CSMD1: variants seen among roughly 807,000 people sequenced by gnomAD.
The protein encoded by CSMD1 is CUB and Sushi multiple domains 1, also known as CUB and sushi domain-containing protein 1.
CSMD1 carries 213 observed loss-of-function variants against 417.5 expected under a neutral mutation model. The observed-to-expected ratio is 0.51, with a 90% CI of 0.46 to 0.57. CSMD1 has a LOEUF of 0.57. CSMD1 is among the 20% of genes least tolerant of loss of function. The pLI is 0.00. For missense variants in CSMD1, 6,923 were observed against 4,529.7 expected (o/e 1.53, Z -15.17); for synonymous variants, 2,862 against 1,736.8 (o/e 1.65, Z -16.11).
intron 18 of CSMD1, among the ~76,000 whole-genome samples, chr8:3,372,188 G>A (rs900973209): frequency 6.6e-6 from 1 of 152,130 alleles, no homozygotes; most frequent in African/African-American, 2.4e-5. Flanking sequence ...CTATAAATAA[G>A]GACTTGAGAG....
chr8:3,308,168 G>T, intron 24 of CSMD1, 144 bp downstream of exon 24: 1 of 662,578 alleles, frequency 1.5e-6, no homozygotes, highest in East Asian at 2.8e-5. Context: ...TCACAGACAC[G>T]TGCAAATCTC....
At chr8:3,727,389 G>C (rs893156425) in intron 6 of CSMD1, among the ~76,000 whole-genome samples, 1 of 152,090 alleles carries the variant, frequency 6.6e-6, no homozygotes. Context: ...GCCCCGCCCA[G>C]GTACCAAGTG....
At position 4,368,681 on chromosome 8, in the gene CSMD1, T is replaced by G. The variant is rs564820746; in HGVS notation, c.415+51272A>C. Among the ~76,000 whole-genome samples the G allele has an allele frequency of 2.6e-5, 4 of 152,278 alleles. No individual in the cohort carries two copies. In the East Asian group the frequency reaches 7.7e-4, roughly 29 times the overall value. On this transcript the variant is annotated intron_variant, in intron 3 of 69. Transcript: ENST00000635120. ...TCTGTTCAGGATTTTAATTTCTTCC[T>G]GGCTTAATATGAGATGTTGTGTATT...
At chr8:3,450,947 C>G (rs1815669427) in intron 12 of CSMD1, among the ~76,000 whole-genome samples, 1 of 152,066 alleles carries the variant, frequency 6.6e-6, no homozygotes, top group African/African-American at 2.4e-5. Context: ...TAAAAGTGTT[C>G]CTATTTCACC....
Position 3,235,145 on chromosome 8 carries a change from G to C in CSMD1, c.4154-4914C>G, listed in dbSNP as rs1449099318. 3.3e-5 allele frequency among the ~76,000 whole-genome samples: 5 copies of C among 152,262 alleles called. 1 individual carries two copies. The highest frequency in any genetic ancestry group is 6.8e-3 in the Middle Eastern group (2 of 294). On this transcript the variant is annotated intron_variant, in intron 26 of 69. Coordinates refer to ENST00000635120, the MANE Select transcript of CSMD1 (RefSeq NM_033225.6). ...TTAAAATAATTGTCATACAGTGATAGTCACTGTAAATATCGCAACATTTAT... is the reference window on the plus strand; with the variant it reads ...TTAAAATAATTGTCATACAGTGATACTCACTGTAAATATCGCAACATTTAT...
At chr8:4,571,259 G>T (rs1044836895) in intron 2 of CSMD1, among the ~76,000 whole-genome samples, 2 of 152,146 alleles carry the variant, frequency 1.3e-5, no homozygotes, top group Non-Finnish European at 2.9e-5. Flanking sequence ...GATCTTTCCT[G>T]CTTTCTCATG....
chr8:4,310,594 CGAT>C (rs1475131946), intron 3 of CSMD1, among the ~76,000 whole-genome samples: 8 of 152,064 alleles, frequency 5.3e-5, no homozygotes, highest in African/African-American at 1.9e-4. Context: ...TCATAGCTCT[CGAT>C]GATGTTAAAT....
rs201505301 is a variant in CSMD1 at position 2,963,410 on chromosome 8, C to A, written c.9281-15G>T. 1.9e-6 allele frequency: 3 copies of A among 1,609,550 alleles called. No homozygotes were observed. Among genetic ancestry groups the A allele is most frequent in the Admixed American group, 1.7e-5 (1 of 59,950 alleles). ...ACACAGCACGGCTATTTCCAAAGAA[C>A]AAACAAGATCAACATTCCGGAGCTC... On this transcript the variant is annotated splice_polypyrimidine_tract_variant and intron_variant, in intron 59 of 69. Transcript: ENST00000635120.
intron 49 of CSMD1, among the ~76,000 whole-genome samples, chr8:3,086,174 G>C (rs1017515811): frequency 1.3e-5 from 2 of 151,324 alleles, no homozygotes; most frequent in Admixed American, 6.6e-5. Flanking sequence ...TCTTCTAAAA[G>C]AAAAAGTATT....
At position 3,726,709 on chromosome 8, in the gene CSMD1, C is replaced by T. The variant is rs141374279; in HGVS notation, c.932-18218G>A. Among the ~76,000 whole-genome samples, 29 of 152,132 alleles carry T rather than the reference C, an allele frequency of 1.9e-4. No homozygotes were observed. The East Asian group carries it at 4.3e-3, about 22-fold the overall frequency. ...TGAGTGGTACGAGGTGTATATTTAC[C>T]TATGGGCCCTTGAATACCAGAGGGA... On this transcript the variant is annotated intron_variant, in intron 6 of 69. Transcript: ENST00000635120.
intron 3 of CSMD1, among the ~76,000 whole-genome samples, chr8:4,200,607 A>C (rs1799590011): frequency 6.6e-6 from 1 of 152,212 alleles, no homozygotes; most frequent in African/African-American, 2.4e-5. Flanking sequence ...CTGAAATCCC[A>C]GCACTTTGTA....
At chr8:3,530,848 G>A (rs1018151632) in intron 10 of CSMD1, among the ~76,000 whole-genome samples, 31 of 141,382 alleles carry the variant, frequency 2.2e-4, no homozygotes, top group African/African-American at 4.6e-4. Flanking sequence ...GAATCTTGAC[G>A]CCTCTCCTTT....
intron 12 of CSMD1, among the ~76,000 whole-genome samples, chr8:3,431,611 C>G (rs569921066): frequency 6.6e-6 from 1 of 152,098 alleles, no homozygotes; most frequent in East Asian, 1.9e-4. Flanking sequence ...TGATTTACCT[C>G]ATTTCCACCA....
In CSMD1 at chr8:4,637,196, G is replaced by C. The variant is rs1428178705; in HGVS notation, c.302+146C>G. ...GGAAAACTCACCCCAAAGGTCTGTG[G>C]CTTCATTCTTGAAGTCAGCGAGGCC... On this transcript the variant is annotated intron_variant, in intron 2 of 69. Transcript: ENST00000635120. The C allele has an allele frequency of 1.2e-4, 76 of 618,742 alleles. 1 individual carries two copies. In the Admixed American group the frequency reaches 2.2e-3, roughly 18 times the overall value. 38.3% of individuals were successfully genotyped at this position (618,742 alleles called of 1,614,324 possible).
chr8:3,262,232 C>T (rs576016305), intron 26 of CSMD1, among the ~76,000 whole-genome samples: 1,786 of 101,558 alleles, frequency 0.018, 100 homozygotes, highest in African/African-American at 0.068. Flanking sequence ...TATATATATA[C>T]ACACACATAG....
chr8:4,130,016 T>A (rs950992558), intron 3 of CSMD1, among the ~76,000 whole-genome samples: 1 of 152,154 alleles, frequency 6.6e-6, no homozygotes, highest in Non-Finnish European at 1.5e-5. Context: ...GCCTTTCTTG[T>A]CAGAAGATTT....
chr8:4,560,954 A>G (rs745767932), intron 2 of CSMD1, among the ~76,000 whole-genome samples: 9 of 152,216 alleles, frequency 5.9e-5, no homozygotes, highest in Non-Finnish European at 1.2e-4. Flanking sequence ...TCTATGGACA[A>G]AGATTAAGTC....
rs150558950 is a variant in CSMD1 at position 4,172,683 on chromosome 8, C to T, written c.416-140584G>A. Reference sequence around the variant, plus strand: ...TATGGGCTGGACCAGGTGTTTCACACATATTCATTAGAATATTGCAAAAGT... The same window carrying T: ...TATGGGCTGGACCAGGTGTTTCACATATATTCATTAGAATATTGCAAAAGT... On this transcript the variant is annotated intron_variant, in intron 3 of 69. Coordinates refer to ENST00000635120, the MANE Select transcript of CSMD1 (RefSeq NM_033225.6). Among the ~76,000 whole-genome samples the T allele has an allele frequency of 2.1e-3, 319 of 152,286 alleles. 1 individual carries two copies. Among genetic ancestry groups the T allele is most frequent in the African/African-American group, 7.4e-3 (309 of 41,556 alleles).
intron 3 of CSMD1, among the ~76,000 whole-genome samples, chr8:4,267,007 C>G (rs1804266765): frequency 9.7e-6 from 1 of 103,374 alleles, no homozygotes; most frequent in South Asian, 3.8e-4. Flanking sequence ...GTGATTTTTA[C>G]AAAACAAAAG....
Sources: allele counts gnomAD v4.1 joint callset (sites outside exome capture counted in the v4.1 genomes callset), GRCh38; gene constraint gnomAD v4.1.1; transcripts MANE v1.5; gene names NCBI Gene and HGNC (gene_info 2026-07-23, HGNC 2026-07-21).